PRKCA: variants seen among roughly 807,000 people sequenced by gnomAD.
PRKCA encodes protein kinase C alpha type.
Under a neutral mutation model 87.0 loss-of-function variants are expected in PRKCA, and 27 were observed. That is an observed-to-expected ratio of 0.31 (90% confidence interval 0.23 to 0.43). PRKCA has a LOEUF of 0.43. PRKCA is among the 20% of genes least tolerant of loss of function. The pLI is 1.00. For synonymous variants in PRKCA, 329 were observed against 311.1 expected (o/e 1.06, Z -0.61); for missense variants, 518 against 852.3 (o/e 0.61, Z 4.88).
rs543987072 is a variant in PRKCA at position 66,792,379 on chromosome 17, A to G, written c.1854+3400A>G. The stretch of plus-strand genomic sequence containing the variant: ...TCATCTTTGTTTTATTAATTTTTAA[A>G]TTTTTTGAACCTCCAATGAAAGAGT... On this transcript the variant is annotated intron_variant, in intron 16 of 16. Coordinates refer to ENST00000413366, the MANE Select transcript of PRKCA (RefSeq NM_002737.3). The surrounding 1 kb of genome is among the most constrained non-coding windows in gnomAD (Gnocchi z 4.5). Among the ~76,000 whole-genome samples the G allele has an allele frequency of 2.0e-5, 3 of 152,160 alleles. No homozygotes were observed. Among genetic ancestry groups the G allele is most frequent in the Non-Finnish European group, 4.4e-5 (3 of 68,028 alleles).
At chr17:66,631,609 A>G (rs1325553800) in intron 3 of PRKCA, among the ~76,000 whole-genome samples, 1 of 152,104 alleles carries the variant, frequency 6.6e-6, no homozygotes, top group Non-Finnish European at 1.5e-5. Flanking sequence ...TCAGAATTCC[A>G]TATTAAACCA....
At position 66,374,011 on chromosome 17, in the gene PRKCA, G is replaced by A. The variant is rs553288687; in HGVS notation, c.205+67884G>A. Among the ~76,000 whole-genome samples, 11 of 152,284 alleles carry A rather than the reference G, an allele frequency of 7.2e-5. No individual in the cohort carries two copies. In the South Asian group the frequency reaches 2.3e-3, roughly 32 times the overall value. On this transcript the variant is annotated intron_variant, in intron 2 of 16. Coordinates refer to ENST00000413366, the MANE Select transcript of PRKCA (RefSeq NM_002737.3). ...CTGCAGTGGGGGTTTGAGGGCAGCTGTTCACCTGGGTGCATGTCCTGGATC... is the reference window on the plus strand; with the variant it reads ...CTGCAGTGGGGGTTTGAGGGCAGCTATTCACCTGGGTGCATGTCCTGGATC...
intron 13 of PRKCA, among the ~76,000 whole-genome samples, chr17:66,754,198 C>A (rs1309175246): frequency 6.6e-6 from 1 of 151,782 alleles, no homozygotes. Context: ...ATATTCATAT[C>A]TTTTTTCATA....
intron 3 of PRKCA, among the ~76,000 whole-genome samples, chr17:66,527,352 C>T (rs1264809487): frequency 6.6e-6 from 1 of 152,188 alleles, no homozygotes; most frequent in Admixed American, 6.5e-5. Context: ...ATGCAATTTG[C>T]ATCCACAGGT....
intron 2 of PRKCA, among the ~76,000 whole-genome samples, chr17:66,490,393 G>A (rs903002478): frequency 1.3e-5 from 2 of 150,740 alleles, no homozygotes; most frequent in East Asian, 3.9e-4. Flanking sequence ...ACCCATGCTG[G>A]AGTGCAATGG....
At chr17:66,383,180 T>C (rs1407482816) in intron 2 of PRKCA, among the ~76,000 whole-genome samples, 2 of 152,320 alleles carry the variant, frequency 1.3e-5, no homozygotes, top group Non-Finnish European at 2.9e-5. Flanking sequence ...GTATTTGGCT[T>C]TTCTTTTTCT....
intron 13 of PRKCA, among the ~76,000 whole-genome samples, chr17:66,759,828 C>T (rs1190815270): frequency 1.3e-5 from 2 of 152,184 alleles, no homozygotes; most frequent in East Asian, 1.9e-4. Context: ...GGAGAGTTAT[C>T]ATGGAAGGGC....
chr17:66,741,779 G>A lies in PRKCA; in HGVS notation c.1385+58G>A. ...GCAGAGAGGTTAGCTGGGCCTCTGT[G>A]GGCATGTCATTCTGGAATGGTGACT... On this transcript the variant is annotated intron_variant, in intron 12 of 16. Coordinates refer to ENST00000413366, the MANE Select transcript of PRKCA (RefSeq NM_002737.3). 2 of 1,543,530 alleles carry A rather than the reference G, an allele frequency of 1.3e-6. 1 individual carries two copies. The highest frequency in any genetic ancestry group is 2.3e-5 in the South Asian group (2 of 88,036).
At chr17:66,723,634 CAA>C (rs565740561) in intron 8 of PRKCA, among the ~76,000 whole-genome samples, 6 of 130,762 alleles carry the variant, frequency 4.6e-5, no homozygotes, top group Non-Finnish European at 5.0e-5. Context: ...TCTCAAAAAA[CAA>C]AAAAAAAAAA....
intron 14 of PRKCA, among the ~76,000 whole-genome samples, chr17:66,783,394 G>A (rs1393928461): frequency 6.6e-6 from 1 of 152,214 alleles, no homozygotes; most frequent in Non-Finnish European, 1.5e-5. Flanking sequence ...TAGGATTAAT[G>A]TTCTAAGGAA....
chr17:66,641,262 G>T, intron 3 of PRKCA, 93 bp from the exon 4 acceptor site: 1 of 783,166 alleles, frequency 1.3e-6, no homozygotes, highest in Non-Finnish European at 2.1e-6. Context: ...ACCTTGACTT[G>T]GGGCTGGGGA....
At chr17:66,735,284 A>G (rs6504452) in intron 9 of PRKCA, among the ~76,000 whole-genome samples, 101,939 of 152,082 alleles carry the variant, frequency 0.67, 34,256 homozygotes, top group East Asian at 0.71. Context: ...TCTTGGCAGC[A>G]TTGAAGTTTT....
intron 3 of PRKCA, among the ~76,000 whole-genome samples, chr17:66,629,151 C>A (rs2143736264): frequency 6.6e-6 from 1 of 152,328 alleles, no homozygotes; most frequent in Middle Eastern, 3.4e-3. Context: ...AAGAGACAGT[C>A]CTGCCGATTT....
chr17:66,371,696 GT>G (rs1909114826), intron 2 of PRKCA, among the ~76,000 whole-genome samples: 1 of 152,174 alleles, frequency 6.6e-6, no homozygotes, highest in African/African-American at 2.4e-5. Flanking sequence ...CACTGTGACT[GT>G]TTTATCTGTA....
At chr17:66,480,248 G>T (rs1342101625) in intron 2 of PRKCA, among the ~76,000 whole-genome samples, 2 of 152,018 alleles carry the variant, frequency 1.3e-5, no homozygotes, top group Admixed American at 6.6e-5. Context: ...TTACCCATGG[G>T]CATTAGAATC....
At chr17:66,348,387 G>A (rs1387732002) in intron 2 of PRKCA, among the ~76,000 whole-genome samples, 1 of 152,150 alleles carries the variant, frequency 6.6e-6, no homozygotes, top group Non-Finnish European at 1.5e-5. Flanking sequence ...CTCAGGCTAA[G>A]GTTCCTGCTG....
intron 2 of PRKCA, among the ~76,000 whole-genome samples, chr17:66,457,681 G>T (rs1914632325): frequency 6.6e-6 from 1 of 152,020 alleles, no homozygotes; most frequent in African/African-American, 2.4e-5. Context: ...TCTATAAGGG[G>T]CCTTTCCCAC....
intron 2 of PRKCA, among the ~76,000 whole-genome samples, chr17:66,410,069 T>C (rs1051572604): frequency 6.6e-6 from 1 of 152,236 alleles, no homozygotes. Flanking sequence ...TAGTGCCAGG[T>C]GCTATGCCAG....
chr17:66,690,032 C>G (rs556104054), intron 8 of PRKCA, among the ~76,000 whole-genome samples: 1 of 151,798 alleles, frequency 6.6e-6, no homozygotes. Flanking sequence ...CTGTTGTTCT[C>G]CAAGAAACAT....
Sources: allele counts gnomAD v4.1 joint callset (sites outside exome capture counted in the v4.1 genomes callset), GRCh38; gene constraint gnomAD v4.1.1; non-coding constraint Gnocchi (gnomAD v3.1); transcripts MANE v1.5; gene names NCBI Gene and HGNC (gene_info 2026-07-23, HGNC 2026-07-21).